Variants in LILRB1 observed in about 807,000 individuals in gnomAD.
The protein encoded by LILRB1 is leukocyte immunoglobulin like receptor B1, also known as leukocyte immunoglobulin-like receptor subfamily B member 1.
Under a neutral mutation model 74.6 loss-of-function variants are expected in LILRB1, and 59 were observed. The ratio of observed to expected loss-of-function variants is 0.79; its 90% confidence interval spans 0.64 to 0.98. The LOEUF (loss-of-function observed/expected upper bound fraction) is 0.98, where lower values mean the gene tolerates loss of function less well. LILRB1 is among the 50% of genes least tolerant of loss of function. LILRB1 has a pLI of 0.00. For synonymous variants in LILRB1, 328 were observed against 333.9 expected (o/e 0.98, Z 0.19); for missense variants, 804 against 822.6 (o/e 0.98, Z 0.28).
At chr19:54,630,088 C>T (rs902459822), upstream of LILRB1, among the ~76,000 whole-genome samples, 4 of 152,246 alleles carry the variant, frequency 2.6e-5, no homozygotes, top group Admixed American at 1.3e-4. Flanking sequence ...CACCACTGAC[C>T]GTACAACCAC....
Position 54,632,744 on chromosome 19 carries a change from G to A in LILRB1, c.942G>A (p.Leu314=). ...SSEWSAPSDP[L]DILIAGQFYD... ...AGTGGTCGGCCCCCAGCGACCCCCT[G>A]GACATCCTGATCGCAGGTGAGGAGC... Residue 314 remains leucine, a synonymous_variant, in exon 6 of 15, where the codon CTG becomes CTA. Transcript: ENST00000324602. The A allele has an allele frequency of 6.2e-7, 1 of 1,612,164 alleles. No individual in the cohort carries two copies. Among genetic ancestry groups the A allele is most frequent in the South Asian group, 1.1e-5 (1 of 90,994 alleles).
At chr19:54,626,691 G>A (rs373445548), upstream of LILRB1, among the ~76,000 whole-genome samples, 66 of 152,222 alleles carry the variant, frequency 4.3e-4, 2 homozygotes, top group East Asian at 5.6e-3. Flanking sequence ...TTCTATAATT[G>A]CCTGTTTTTT....
rs1342833603 is a variant in LILRB1 at position 54,636,266 on chromosome 19, G to C, written c.1654-228G>C. 7.4e-6 allele frequency: 6 copies of C among 806,128 alleles called. No individual in the cohort carries two copies. In the East Asian group the frequency reaches 1.4e-4, roughly 18 times the overall value. 49.9% of individuals were successfully genotyped at this position (806,128 alleles called of 1,614,324 possible). ...TGCAAAGGCCCCCAGGCAGCAGCGA[G>C]CTCTTGCAGGAAGGCCCGTGAGGCT... is the stretch of plus-strand genomic sequence containing the variant. On this transcript the variant is annotated intron_variant, in intron 13 of 14. Coordinates refer to ENST00000324602, the MANE Select transcript of LILRB1 (RefSeq NM_001081637.3).
At position 54,636,157 on chromosome 19, in the gene LILRB1, C is replaced by T. The variant is rs1471640635; in HGVS notation, c.1654-337C>T. ...CTGAATGGAAGGGGAGGGCTGTCTG[C>T]TCAGCTGTCATCTGAGAAGCCTGGA... On this transcript the variant is annotated intron_variant, in intron 13 of 14. Coordinates refer to ENST00000324602, the MANE Select transcript of LILRB1 (RefSeq NM_001081637.3). 5 of 577,338 alleles carry T rather than the reference C, an allele frequency of 8.7e-6. No homozygotes were observed. In the Admixed American group the frequency reaches 9.3e-5, roughly 11 times the overall value. The allele number at this position is 577,338 out of a possible 1,614,324, so 35.8% of individuals were successfully genotyped here.
chr19:54,632,444 C>T lies in LILRB1; in HGVS notation c.662-20C>T. On this transcript the variant is annotated intron_variant, in intron 5 of 14. Coordinates refer to ENST00000324602, the MANE Select transcript of LILRB1 (RefSeq NM_001081637.3). ...AAGCCTGAGGGTCGGCTCCTGGAAA[C>T]CATGACCACCTTTTCCCAGGTGTTT... 1.3e-6 allele frequency: 2 copies of T among 1,583,964 alleles called. No homozygotes were observed. The highest frequency in any genetic ancestry group is 1.7e-6 in the Non-Finnish European group (2 of 1,163,310).
Position 54,632,547 on chromosome 19 carries a change from G to A in LILRB1, c.745G>A (p.Asp249Asn), listed in dbSNP as rs370658036. ...GACCCTGACTCTGCAGTGTGGCTCT[G>A]ATGCTGGCTACAACAGATTTGTTCT... The part of the protein sequence containing the change: ...EETLTLQCGS[D>N]AGYNRFVLYK... The change falls in exon 6 of 15, where the codon GAT becomes AAT. Residue 249 changes from aspartate (D) to asparagine (N), a missense_variant. Transcript: ENST00000324602. The A allele has an allele frequency of 6.2e-7, 1 of 1,614,136 alleles. No individual in the cohort carries two copies. The highest frequency in any genetic ancestry group is 8.5e-7 in the Non-Finnish European group (1 of 1,180,006).
intron 8 of LILRB1, 77 bp downstream of exon 8, chr19:54,633,765 T>C: frequency 1.3e-6 from 2 of 1,516,864 alleles, no homozygotes; most frequent in Non-Finnish European, 1.8e-6. Flanking sequence ...GAGAATCCCA[T>C]TCCCCTCAAA....
chr19:54,624,439 A>T lies in LILRB1; in HGVS notation c.-165-6078A>T, dbSNP rs577748335. ...GCCACTCTCTGCAGGCGTGGTTCCA[A>T]GGCAGAGCCTCCTCCCTCAGCCCAG... is the stretch of plus-strand genomic sequence containing the variant. On this transcript the variant is annotated intron_variant, in intron 1 of 15. Coordinates refer to the LILRB1 transcript ENST00000396331. Among the ~76,000 whole-genome samples the T allele has an allele frequency of 9.9e-5, 15 of 152,190 alleles. No individual in the cohort carries two copies. In the East Asian group the frequency reaches 2.9e-3, roughly 29 times the overall value.
chr19:54,626,726 T>C (rs1049286386), upstream of LILRB1, among the ~76,000 whole-genome samples: 5 of 152,248 alleles, frequency 3.3e-5, no homozygotes, highest in Non-Finnish European at 7.3e-5. Context: ...TTGATTTTTA[T>C]TTCTCTTGGG....
chr19:54,636,955 G>A lies in LILRB1; in HGVS notation c.*77G>A, dbSNP rs1488092384. On this transcript the variant is annotated 3_prime_UTR_variant, in exon 15 of 15. Coordinates refer to ENST00000324602, the MANE Select transcript of LILRB1 (RefSeq NM_001081637.3). Reference sequence around the variant, plus strand: ...GCTGCCCCCCCAGTGGACACCATTGGACCCCACCCAGCCTGGATCTACCCC... The same window carrying A: ...GCTGCCCCCCCAGTGGACACCATTGAACCCCACCCAGCCTGGATCTACCCC... 2 of 1,581,214 alleles carry A rather than the reference G, an allele frequency of 1.3e-6. No homozygotes were observed. Among genetic ancestry groups the A allele is most frequent in the African/African-American group, 2.7e-5 (2 of 74,210 alleles).
At position 54,632,619 on chromosome 19, in the gene LILRB1, C is replaced by G; in HGVS notation, c.817C>G (p.Pro273Ala). 6.2e-7 allele frequency: 1 copy of G among 1,614,116 alleles called. No individual in the cohort carries two copies. Among genetic ancestry groups the G allele is most frequent in the Non-Finnish European group, 8.5e-7 (1 of 1,180,024 alleles). Residue 273 changes from proline to alanine, a missense_variant, in exon 6 of 15, where the codon CCC becomes GCC. Pro to Ala is a conservative substitution (Grantham distance 27). Coordinates refer to ENST00000324602, the MANE Select transcript of LILRB1 (RefSeq NM_001081637.3). The part of the protein sequence containing the change: ...RDFLQLAGAQ[P>A]QAGLSQANFT... ...CTTCCTTCAGCTCGCTGGCGCACAG[C>G]CCCAGGCTGGGCTCTCCCAGGCCAA...
chr19:54,636,648 C>A lies in LILRB1; in HGVS notation c.1808C>A (p.Thr603Asn). The change falls in exon 14 of 15, where the codon ACT (threonine) becomes AAT (asparagine). Residue 603 changes from threonine (T) to asparagine (N), a missense_variant. Thr to Asn is a moderately conservative substitution (Grantham distance 65). Transcript: ENST00000324602. ...GCGGAAGAGGACAGGCAGATGGACA[C>A]TGAGGTGAGTCCTTTCCTCTCCAGG... ...RQAEEDRQMD[T>N]EAAASEAPQD... The A allele has an allele frequency of 2.5e-6, 4 of 1,610,968 alleles. No individual in the cohort carries two copies. The highest frequency in any genetic ancestry group is 3.4e-6 in the Non-Finnish European group (4 of 1,179,026).
intron 1 of LILRB1, among the ~76,000 whole-genome samples, chr19:54,618,491 A>G (rs1024688931): frequency 1.3e-5 from 2 of 152,226 alleles, no homozygotes; most frequent in Non-Finnish European, 2.9e-5. Context: ...GCAGAATAGT[A>G]TAAGATTTTC....
chr19:54,628,522 T>C (rs1568572377), upstream of LILRB1, among the ~76,000 whole-genome samples: 2 of 152,162 alleles, frequency 1.3e-5, no homozygotes, highest in Non-Finnish European at 2.9e-5. Context: ...ATTAATTTGC[T>C]GTAGCAGCTC....
upstream of LILRB1, among the ~76,000 whole-genome samples, chr19:54,627,987 C>G (rs897604542): frequency 8.5e-5 from 13 of 152,158 alleles, no homozygotes; most frequent in African/African-American, 2.4e-4. Flanking sequence ...AGTTTTGCTT[C>G]GAGAGTACAC....
Position 54,636,796 on chromosome 19 carries a change from G to C in LILRB1, c.1877G>C (p.Arg626Pro), listed in dbSNP as rs753349590. 4 of 1,612,380 alleles carry C rather than the reference G, an allele frequency of 2.5e-6. No homozygotes were observed. The highest frequency in any genetic ancestry group is 2.5e-6 in the Non-Finnish European group (3 of 1,179,374). ...YAQLHSLTLR[R>P]EATEPPPSQE... is the part of the protein sequence containing the mutation. Reference sequence around the variant, plus strand: ...CAGCTGCACAGCTTGACCCTCAGACGGGAGGCAACTGAGCCTCCTCCATCC... The same window carrying C: ...CAGCTGCACAGCTTGACCCTCAGACCGGAGGCAACTGAGCCTCCTCCATCC... Residue 626 changes from arginine (R) to proline (P), a missense_variant, in exon 15 of 15, where the codon CGG becomes CCG. Physicochemically the swap from Arg to Pro is moderately radical, Grantham distance 103. Coordinates refer to ENST00000324602, the MANE Select transcript of LILRB1 (RefSeq NM_001081637.3).
chr19:54,636,644 G>T lies in LILRB1; in HGVS notation c.1804G>T (p.Asp602Tyr). Residue 602 changes from aspartate (D) to tyrosine (Y), a missense_variant, in exon 14 of 15, where the codon GAC becomes TAC. Coordinates refer to ENST00000324602, the MANE Select transcript of LILRB1 (RefSeq NM_001081637.3). The part of the protein sequence containing the change: ...DRQAEEDRQM[D>Y]TEAAASEAPQ... ...ACAGGCGGAAGAGGACAGGCAGATG[G>T]ACACTGAGGTGAGTCCTTTCCTCTC... The T allele has an allele frequency of 6.2e-7, 1 of 1,610,982 alleles. No individual in the cohort carries two copies. Among genetic ancestry groups the T allele is most frequent in the Non-Finnish European group, 8.5e-7 (1 of 1,179,034 alleles).
intron 1 of LILRB1, among the ~76,000 whole-genome samples, chr19:54,622,168 G>T (rs1052681130): frequency 6.6e-6 from 1 of 152,126 alleles, no homozygotes; most frequent in Non-Finnish European, 1.5e-5. Context: ...AGCTGTTCAG[G>T]CTGGTTTTTG....
chr19:54,635,274 C>T lies in LILRB1; in HGVS notation c.1578C>T (p.Ala526=), dbSNP rs565684397. The change falls in exon 12 of 15, where the codon GCC becomes GCT. Residue 526 remains alanine, a synonymous_variant. Transcript: ENST00000324602. The part of the protein sequence containing the change: ...RGLQWRSSPA[A]DAQEENLYAA... Reference sequence around the variant, plus strand: ...CTTCCCCCAGGTCCAGCCCAGCTGCCGATGCCCAGGAAGAAAACCTCTGTG... The same window carrying T: ...CTTCCCCCAGGTCCAGCCCAGCTGCTGATGCCCAGGAAGAAAACCTCTGTG... 1.2e-5 allele frequency: 19 copies of T among 1,612,634 alleles called. No individual in the cohort carries two copies. The highest frequency in any genetic ancestry group is 1.1e-4 in the East Asian group (5 of 44,880).
Sources: gnomAD v4.1 joint callset for allele counts (sites outside exome capture counted in the v4.1 genomes callset) on GRCh38, gnomAD v4.1.1 for gene constraint, MANE v1.5 for transcripts, NCBI Gene and HGNC (gene_info 2026-07-23, HGNC 2026-07-21) for gene names.